The following ASPRV1 variants were observed in gnomAD, a reference collection of about 807,000 sequenced individuals.
The protein encoded by ASPRV1 is aspartic peptidase retroviral like 1.
ASPRV1 carries 7 observed loss-of-function variants against 11.0 expected under a neutral mutation model. That is an observed-to-expected ratio of 0.64 (90% CI 0.36 to 1.20). The LOEUF (loss-of-function observed/expected upper bound fraction) is 1.20, where lower values mean the gene tolerates loss of function less well. Among genes scored for constraint, ASPRV1 ranks in the 50% most tolerant of loss-of-function variants. The probability of loss-of-function intolerance (pLI) is 0.02; values close to 1 mark genes in which losing one functional copy is unlikely to be tolerated. For synonymous variants in ASPRV1, 136 were observed against 138.4 expected (o/e 0.98, Z 0.12); for missense variants, 299 against 320.0 (o/e 0.93, Z 0.50).
At chr2:70,002,680 T>C in the ASPRV1 span, among the ~76,000 whole-genome samples, 1 of 152,216 alleles carries the variant, frequency 6.6e-6, no homozygotes, top group Non-Finnish European at 1.5e-5. Context: ...CCATAGCATT[T>C]CTTCCTGCCT....
chr2:70,084,360 TTC>T, the ASPRV1 span, among the ~76,000 whole-genome samples: 1 of 152,342 alleles, frequency 6.6e-6, no homozygotes, highest in East Asian at 1.9e-4. Flanking sequence ...CCCTCATCTA[TTC>T]TGTCTCCCTA....
chr2:69,990,623 TA>T, the ASPRV1 span, among the ~76,000 whole-genome samples: 1 of 151,914 alleles, frequency 6.6e-6, no homozygotes, highest in Non-Finnish European at 1.5e-5. Context: ...GCTAATTTTT[TA>T]AAAAATGTTT....
chr2:70,034,088 G>A, the ASPRV1 span, among the ~76,000 whole-genome samples: 1 of 148,498 alleles, frequency 6.7e-6, no homozygotes, highest in Non-Finnish European at 1.5e-5. Flanking sequence ...CCGGGGGGTG[G>A]AGCCTGCAGT....
At chr2:69,995,678 G>A in the ASPRV1 span, among the ~76,000 whole-genome samples, 1 of 152,086 alleles carries the variant, frequency 6.6e-6, no homozygotes, top group Non-Finnish European at 1.5e-5. Flanking sequence ...GGCTTGCTGT[G>A]GTGGGAGCAG....
At chr2:69,959,101 T>C (rs1451184241), downstream of ASPRV1, among the ~76,000 whole-genome samples, 1 of 152,108 alleles carries the variant, frequency 6.6e-6, no homozygotes, top group East Asian at 1.9e-4. Flanking sequence ...CAGATCAGCT[T>C]CAAAAAGTCC....
the ASPRV1 span, among the ~76,000 whole-genome samples, chr2:70,007,535 A>G: frequency 1.9e-3 from 285 of 152,112 alleles, no homozygotes; most frequent in African/African-American, 6.4e-3. Context: ...AAAAAGAACT[A>G]TATCTACTTA....
At chr2:70,004,303 G>A in the ASPRV1 span, among the ~76,000 whole-genome samples, 3 of 152,026 alleles carry the variant, frequency 2.0e-5, no homozygotes, top group East Asian at 1.9e-4. Context: ...AGGCCGAGGC[G>A]GGCGGATGAC....
chr2:69,955,817 G>C (rs72910656), downstream of ASPRV1, among the ~76,000 whole-genome samples: 1,938 of 152,262 alleles, frequency 0.013, 40 homozygotes, highest in South Asian at 0.037. Context: ...GGAAGTATCA[G>C]CAGGAACTCA....
the ASPRV1 span, among the ~76,000 whole-genome samples, chr2:70,025,423 AGAGGAG>A: frequency 3.9e-5 from 6 of 151,902 alleles, no homozygotes; most frequent in Admixed American, 1.3e-4. Flanking sequence ...AAAAGAGAAA[AGAGGAG>A]GAGGAGGAGG....
At chr2:69,941,173 C>T in the ASPRV1 span, 1 of 152,308 alleles carries the variant, frequency 6.6e-6, no homozygotes, top group Non-Finnish European at 1.5e-5. Flanking sequence ...AAACTGCACT[C>T]TTATTGATAC....
At chr2:69,991,920 T>C in the ASPRV1 span, among the ~76,000 whole-genome samples, 6 of 152,206 alleles carry the variant, frequency 3.9e-5, no homozygotes, top group Non-Finnish European at 8.8e-5. Flanking sequence ...TTAGGACTAA[T>C]AAATGGATTT....
chr2:70,039,296 G>T, the ASPRV1 span, among the ~76,000 whole-genome samples: 3,678 of 152,182 alleles, frequency 0.024, 141 homozygotes, highest in African/African-American at 0.082. Flanking sequence ...TTCTACATCT[G>T]TATCATTGTG....
At chr2:70,004,528 C>CAAAAAAA in the ASPRV1 span, among the ~76,000 whole-genome samples, 2 of 54,626 alleles carry the variant, frequency 3.7e-5, no homozygotes, top group Admixed American at 2.0e-4. Context: ...AACTCCATCT[C>CAAAAAAA]AAAAAAAAAA....
chr2:69,956,272 C>A (rs906353524), downstream of ASPRV1, among the ~76,000 whole-genome samples: 1 of 151,968 alleles, frequency 6.6e-6, no homozygotes, highest in Admixed American at 6.6e-5. Flanking sequence ...AGAGAAAGCT[C>A]TTCTGTAGAG....
At chr2:70,051,982 A>C in the ASPRV1 span, among the ~76,000 whole-genome samples, 1 of 152,130 alleles carries the variant, frequency 6.6e-6, no homozygotes, top group Non-Finnish European at 1.5e-5. Context: ...CTCCAAAAAA[A>C]AGGGGTAGAA....
chr2:69,973,015 C>G, the ASPRV1 span, among the ~76,000 whole-genome samples: 1 of 152,054 alleles, frequency 6.6e-6, no homozygotes, highest in Non-Finnish European at 1.5e-5. Context: ...TCTGGCCACT[C>G]CTCAGACTAA....
the ASPRV1 span, among the ~76,000 whole-genome samples, chr2:69,950,036 G>A: frequency 3.3e-5 from 5 of 152,188 alleles, no homozygotes; most frequent in East Asian, 1.9e-4. Context: ...GGCTGGTCTC[G>A]AACTCCTGAC....
At chr2:70,061,535 T>C in the ASPRV1 span, among the ~76,000 whole-genome samples, 3 of 152,086 alleles carry the variant, frequency 2.0e-5, no homozygotes, top group African/African-American at 4.8e-5. Context: ...CAACGAACTG[T>C]GAGCAGATGA....
chr2:70,025,388 T>C, the ASPRV1 span, among the ~76,000 whole-genome samples: 15 of 149,832 alleles, frequency 1.0e-4, no homozygotes, highest in South Asian at 3.1e-3. Context: ...CAAGACTCCA[T>C]CTCCAAAGGA....
Sources: allele counts gnomAD v4.1 joint callset (sites outside exome capture counted in the v4.1 genomes callset), GRCh38; gene constraint gnomAD v4.1.1; transcripts MANE v1.5; gene names NCBI Gene and HGNC (gene_info 2026-07-23, HGNC 2026-07-21).